Variants in MZT2B observed in about 807,000 individuals in gnomAD.
MZT2B encodes the protein mitotic spindle organizing protein 2B.
A neutral mutation model predicts 12.1 loss-of-function variants in MZT2B; 11 were observed. That is an observed-to-expected ratio of 0.91 (90% CI 0.57 to 1.50). The LOEUF (loss-of-function observed/expected upper bound fraction) is 1.50, where lower values mean the gene tolerates loss of function less well. Among genes scored for constraint, MZT2B ranks in the 40% most tolerant of loss-of-function variants. MZT2B has a pLI of 0.00. For synonymous variants in MZT2B, 85 were observed against 109.5 expected (o/e 0.78, Z 1.40); for missense variants, 209 against 227.7 (o/e 0.92, Z 0.53).
chr2:130,193,859 A>T (rs1690331772), downstream of MZT2B: 1 of 1,614,002 alleles, frequency 6.2e-7, no homozygotes, highest in African/African-American at 1.3e-5. Flanking sequence ...GGCCGCATTG[A>T]CGTCTTTGGG....
chr2:130,194,388 G>A, downstream of MZT2B: 1 of 1,613,138 alleles, frequency 6.2e-7, no homozygotes. Context: ...TCCATGAGCA[G>A]AGATGCGAAC....
At chr2:130,182,909 C>G in intron 2 of MZT2B, 134 bp downstream of exon 2, 1 of 1,322,292 alleles carries the variant, frequency 7.6e-7, no homozygotes. Flanking sequence ...CCTGCAGGGC[C>G]CATCCGTGGG....
chr2:130,196,479 C>T, the MZT2B span: 19 of 1,449,730 alleles, frequency 1.3e-5, no homozygotes, highest in Middle Eastern at 6.1e-4. Flanking sequence ...CAGTATCTGG[C>T]GCTTTCACAA....
the MZT2B span, chr2:130,198,570 A>T: frequency 3.5e-5 from 19 of 539,080 alleles, 5 homozygotes; most frequent in Non-Finnish European, 5.7e-5. Context: ...TGTAGTGGGG[A>T]TGCTCTCTGA....
downstream of MZT2B, among the ~76,000 whole-genome samples, chr2:130,192,381 CAT>C (rs202169965): frequency 3.7e-3 from 565 of 152,300 alleles, 3 homozygotes; most frequent in African/African-American, 0.013. Context: ...GTACCTGTGA[CAT>C]GTGATAGGTG....
downstream of MZT2B, among the ~76,000 whole-genome samples, chr2:130,192,715 T>C (rs1265265250): frequency 4.6e-5 from 7 of 152,146 alleles, no homozygotes; most frequent in East Asian, 1.2e-3. Flanking sequence ...CATTCCAAGT[T>C]TCAGAACTCG....
chr2:130,193,987 C>T, downstream of MZT2B: 1 of 1,614,182 alleles, frequency 6.2e-7, no homozygotes, highest in Middle Eastern at 1.6e-4. Context: ...CCACAGACAG[C>T]TGCTCGTGGT....
intron 2 of MZT2B, chr2:130,183,745 T>C (rs114537426): frequency 0.025 from 38,373 of 1,547,534 alleles, 606 homozygotes; most frequent in Middle Eastern, 0.031. Flanking sequence ...TTCACTGACC[T>C]TCGCTCTGTC....
chr2:130,185,228 G>A (rs137900967), intron 2 of MZT2B, among the ~76,000 whole-genome samples: 6,493 of 151,572 alleles, frequency 0.043, 203 homozygotes, highest in Non-Finnish European at 0.065. Flanking sequence ...GAAGAATGGC[G>A]TGAACTTGGG....
the MZT2B span, among the ~76,000 whole-genome samples, chr2:130,197,623 T>A: frequency 8.6e-5 from 11 of 127,284 alleles, no homozygotes; most frequent in African/African-American, 3.0e-4. Flanking sequence ...TTTTGTTTGG[T>A]TTTTTGAGGC....
upstream of MZT2B, chr2:130,181,992 C>T: frequency 7.2e-7 from 1 of 1,380,568 alleles, no homozygotes. Flanking sequence ...GTGCTGCCAC[C>T]TAAGCGAGCA....
chr2:130,196,372 C>A, the MZT2B span: 1 of 1,611,664 alleles, frequency 6.2e-7, no homozygotes, highest in African/African-American at 1.3e-5. Flanking sequence ...TACACTCGCG[C>A]TGTGAACCGG....
downstream of MZT2B, chr2:130,194,376 G>A (rs62165074): frequency 0.39 from 628,683 of 1,605,956 alleles, 120,817 homozygotes; most frequent in Admixed American, 0.45. Context: ...ACTGAGAGCC[G>A]CTCCATGAGC....
the MZT2B span, among the ~76,000 whole-genome samples, chr2:130,198,932 C>T: frequency 4.0e-5 from 5 of 124,266 alleles, 1 homozygote; most frequent in African/African-American, 1.2e-4. Flanking sequence ...GAAAACGGGC[C>T]GGGCGCGATG....
At chr2:130,200,705 G>A in the MZT2B span, among the ~76,000 whole-genome samples, 1 of 152,226 alleles carries the variant, frequency 6.6e-6, no homozygotes, top group Non-Finnish European at 1.5e-5. Context: ...AGCAGAGTCA[G>A]GACCCAATAC....
At position 130,190,602 on chromosome 2, in the gene MZT2B, G is replaced by A. The variant is rs201764725; in HGVS notation, c.453G>A (p.Lys151=). Residue 151 remains lysine (K), a synonymous_variant, in exon 3 of 3, where the codon AAG becomes AAA. Coordinates refer to ENST00000281871, the MANE Select transcript of MZT2B (RefSeq NM_025029.5). ...TRLPKGGGPG[K]SPTRGST ...TGCCCAAGGGGGGCGGGCCTGGGAA[G>A]AGCCCTACACGGGGCAGCACCTAGG... 18 of 1,612,760 alleles carry A rather than the reference G, an allele frequency of 1.1e-5. No homozygotes were observed. The East Asian group carries it at 3.8e-4, about 34-fold the overall frequency.
At chr2:130,195,041 A>G (rs374682452), downstream of MZT2B, 537 of 1,609,254 alleles carry the variant, frequency 3.3e-4, 5 homozygotes, top group South Asian at 5.3e-3. Flanking sequence ...TACCCCTCCC[A>G]TGCAAGACAA....
At chr2:130,194,312 A>G, downstream of MZT2B, 5 of 1,612,492 alleles carry the variant, frequency 3.1e-6, no homozygotes, top group Non-Finnish European at 4.2e-6. Context: ...GGCTGTGGAG[A>G]CCTGGGGGGC....
chr2:130,202,213 A>AT, the MZT2B span: 1 of 973,490 alleles, frequency 1.0e-6, no homozygotes, highest in Non-Finnish European at 1.4e-6. Context: ...ACTAAAAAAA[A>AT]CAGTCCTGTG....
Sources: allele counts gnomAD v4.1 joint callset (sites outside exome capture counted in the v4.1 genomes callset), GRCh38; gene constraint gnomAD v4.1.1; transcripts MANE v1.5; gene names NCBI Gene and HGNC (gene_info 2026-07-23, HGNC 2026-07-21).